Variants in USH2A observed in about 807,000 individuals in gnomAD.
USH2A encodes the protein usherin.
USH2A carries 443 observed loss-of-function variants against 538.9 expected under a neutral mutation model. The observed-to-expected ratio is 0.82, with a 90% CI of 0.76 to 0.89. USH2A has a LOEUF of 0.89. USH2A is among the 40% of genes least tolerant of loss of function. The pLI, the probability that USH2A is intolerant of heterozygous loss-of-function variation, is 0.00. For synonymous variants in USH2A, 2,413 were observed against 2,273.5 expected (o/e 1.06, Z -1.75); for missense variants, 6,633 against 6,324.8 (o/e 1.05, Z -1.65).
At chr1:215,907,183 A>G (rs1665661185) in intron 38 of USH2A, among the ~76,000 whole-genome samples, 1 of 151,924 alleles carries the variant, frequency 6.6e-6, no homozygotes, top group Non-Finnish European at 1.5e-5. Flanking sequence ...GAAATGGGGC[A>G]CTCTAAGTAA....
rs150327951 is a variant in USH2A at position 216,224,165 on chromosome 1, T to C, written c.2994-6615A>G. 2.4e-3 allele frequency among the ~76,000 whole-genome samples: 360 copies of C among 152,206 alleles called. 1 individual carries two copies. The highest frequency in any genetic ancestry group is 8.3e-3 in the African/African-American group (346 of 41,538). On this transcript the variant is annotated intron_variant, in intron 14 of 71. Transcript: ENST00000307340. ...GGGAAGAAACTTTTGGGGGTTGTGATGTGTGGTTGTTATGTAAGAAAACTG... is the reference window on the plus strand; with the variant it reads ...GGGAAGAAACTTTTGGGGGTTGTGACGTGTGGTTGTTATGTAAGAAAACTG...
chr1:215,964,675 A>T (rs1272274011), intron 37 of USH2A, among the ~76,000 whole-genome samples: 1 of 152,182 alleles, frequency 6.6e-6, no homozygotes, highest in Non-Finnish European at 1.5e-5. Context: ...CTTAATACAG[A>T]TCCAAAGTTT....
At position 216,325,552 on chromosome 1, in the gene USH2A, TG is replaced by T. The variant is rs1338169194; in HGVS notation, c.895del (p.Gln299AsnfsTer37). ...FSGDLLRLHAQSHCRCPGSHP... is the reference protein window; with the variant it reads ...FSGDLLRLHAXSHCRCPGSHP... ...GCTGCCAGGGCAACGGCAATGTGAT[TG>T]GGCATGCAATCTGAGAAGATCTCCA... On this transcript the variant is annotated frameshift_variant, in exon 6 of 72. Coordinates refer to ENST00000307340, the MANE Select transcript of USH2A (RefSeq NM_206933.4). LOFTEE classifies it high-confidence loss of function. 1.2e-6 allele frequency: 2 copies of T among 1,613,376 alleles called. No homozygotes were observed. The highest frequency in any genetic ancestry group is 2.7e-5 in the African/African-American group (2 of 74,864).
chr1:215,900,604 G>T, intron 39 of USH2A, 151 bp downstream of exon 39: 2 of 1,064,294 alleles, frequency 1.9e-6, no homozygotes, highest in Non-Finnish European at 2.7e-6. Flanking sequence ...TTTTTGCAAA[G>T]CAAATGATTA....
intron 67 of USH2A, among the ~76,000 whole-genome samples, chr1:215,647,244 C>T (rs1032401879): frequency 2.6e-5 from 4 of 152,136 alleles, no homozygotes; most frequent in African/African-American, 9.7e-5. Flanking sequence ...AGTGTTTGTT[C>T]ATTTTCTTTC....
rs192541934 is a variant in USH2A at position 215,920,211 on chromosome 1, C to T, written c.7300+14405G>A. ...TCAGAAACTGTGGGGAAGGATATTT[C>T]CAAGACAGAGAGAACAAATACATGA... On this transcript the variant is annotated intron_variant, in intron 38 of 71. Coordinates refer to ENST00000307340, the MANE Select transcript of USH2A (RefSeq NM_206933.4). Among the ~76,000 whole-genome samples the T allele has an allele frequency of 8.9e-4, 135 of 152,130 alleles. 1 individual carries two copies. In the Middle Eastern group the frequency reaches 0.01, roughly 11 times the overall value.
At chr1:215,780,497 A>G (rs1424258193) in intron 54 of USH2A, among the ~76,000 whole-genome samples, 3 of 152,228 alleles carry the variant, frequency 2.0e-5, no homozygotes, top group African/African-American at 7.2e-5. Flanking sequence ...AACAGAATAA[A>G]TGGGCAGACA....
At chr1:215,858,763 C>A (rs1261708589) in intron 44 of USH2A, among the ~76,000 whole-genome samples, 1 of 151,880 alleles carries the variant, frequency 6.6e-6, no homozygotes, top group African/African-American at 2.4e-5. Flanking sequence ...TTAGCTGGAG[C>A]AAATTCTCAA....
intron 49 of USH2A, among the ~76,000 whole-genome samples, chr1:215,807,925 T>C (rs1662549261): frequency 6.6e-6 from 1 of 152,086 alleles, no homozygotes; most frequent in Non-Finnish European, 1.5e-5. Flanking sequence ...TAGCTTTGAG[T>C]ATTCTAACTC....
intron 32 of USH2A, among the ~76,000 whole-genome samples, chr1:216,016,248 C>T (rs1004655966): frequency 2.6e-5 from 4 of 151,870 alleles, no homozygotes; most frequent in East Asian, 1.9e-4. Context: ...ATGTAAATGA[C>T]GAGTTAACAA....
intron 34 of USH2A, among the ~76,000 whole-genome samples, chr1:215,996,530 T>C (rs181934994): frequency 6.8e-6 from 1 of 146,310 alleles, no homozygotes; most frequent in Admixed American, 6.9e-5. Context: ...CATTTCAAAA[T>C]AGCCTTTGTT....
intron 51 of USH2A, among the ~76,000 whole-genome samples, chr1:215,787,221 C>T (rs918050598): frequency 2.6e-5 from 4 of 152,126 alleles, no homozygotes; most frequent in African/African-American, 4.8e-5. Flanking sequence ...TAATTTACCA[C>T]CAAGGTTTGT....
chr1:216,287,417 C>A (rs750003901), intron 11 of USH2A, among the ~76,000 whole-genome samples: 3 of 152,124 alleles, frequency 2.0e-5, no homozygotes, highest in Admixed American at 6.5e-5. Flanking sequence ...AAATCTAGAG[C>A]CAGTAGTATG....
intron 55 of USH2A, among the ~76,000 whole-genome samples, chr1:215,769,278 T>A (rs892014362): frequency 6.6e-6 from 1 of 152,202 alleles, no homozygotes; most frequent in African/African-American, 2.4e-5. Flanking sequence ...CTCATTGTGG[T>A]CGTGGCTGGT....
At chr1:216,248,768 T>C (rs1473065283) in intron 12 of USH2A, among the ~76,000 whole-genome samples, 1 of 152,118 alleles carries the variant, frequency 6.6e-6, no homozygotes, top group Non-Finnish European at 1.5e-5. Flanking sequence ...GTTTTAAAAA[T>C]ATGCACAGTG....
intron 64 of USH2A, among the ~76,000 whole-genome samples, chr1:215,669,919 G>A (rs1657758845): frequency 6.6e-6 from 1 of 152,090 alleles, no homozygotes; most frequent in Non-Finnish European, 1.5e-5. Context: ...GTTATAATAA[G>A]CTTTTTAAGG....
chr1:215,900,042 G>A, intron 40 of USH2A, 33 bp downstream of exon 40: 3 of 1,613,170 alleles, frequency 1.9e-6, no homozygotes, highest in Non-Finnish European at 2.5e-6. Flanking sequence ...CTATGTAGAA[G>A]ACATTTGGCT....
intron 13 of USH2A, among the ~76,000 whole-genome samples, chr1:216,242,381 T>A (rs6701966): frequency 0.019 from 2,861 of 149,260 alleles, 33 homozygotes; most frequent in Admixed American, 0.032. Context: ...AAAAAAAAAA[T>A]ATATATATAT....
intron 49 of USH2A, among the ~76,000 whole-genome samples, chr1:215,810,564 A>G (rs1031661439): frequency 6.6e-5 from 10 of 152,178 alleles, no homozygotes; most frequent in Non-Finnish European, 1.3e-4. Context: ...AAACACTATT[A>G]CTTAGTTCCA....
Sources: allele counts gnomAD v4.1 joint callset (sites outside exome capture counted in the v4.1 genomes callset), GRCh38; gene constraint gnomAD v4.1.1; transcripts MANE v1.5; gene names NCBI Gene and HGNC (gene_info 2026-07-23, HGNC 2026-07-21).